The following CCDC191 variants were observed in gnomAD, a reference collection of about 807,000 sequenced individuals.
CCDC191 encodes the protein coiled-coil domain containing 191, also known as coiled-coil domain-containing protein 191.
Under a neutral mutation model 114.0 loss-of-function variants are expected in CCDC191, and 99 were observed. The observed-to-expected ratio is 0.87, with a 90% CI of 0.74 to 1.03. CCDC191 has a LOEUF of 1.03. CCDC191 is among the 50% of genes least tolerant of loss of function. The pLI is 0.00. For synonymous variants in CCDC191, 351 were observed against 376.0 expected, an observed-to-expected ratio of 0.93 and a Z score of 0.77; for missense variants, 973 against 1,087.0, an observed-to-expected ratio of 0.90 and a Z score of 1.47.
chr3:113,991,495 A>G (rs1196928714), intron 13 of CCDC191, among the ~76,000 whole-genome samples: 1 of 152,188 alleles, frequency 6.6e-6, no homozygotes, highest in Non-Finnish European at 1.5e-5. Flanking sequence ...ACTCTCAGCA[A>G]TCTAGGAATA....
Position 113,980,654 on chromosome 3 carries a change from A to G in CCDC191, c.2303T>C (p.Ile768Thr). The change falls in exon 14 of 17, where the codon ATC (isoleucine) becomes ACC (threonine). Residue 768 changes from isoleucine to threonine, a missense_variant. Physicochemically the swap from Ile to Thr is moderately conservative, Grantham distance 89 (BLOSUM62 -1). Coordinates refer to ENST00000295878, the MANE Select transcript of CCDC191 (RefSeq NM_020817.2). ...GATAACAGTGGGACAGTGTACCTGG[A>G]TGTTTTGTTTGCTTTGCATTCTCAA... The part of the protein sequence containing the change: ...KRLRMQSKQN[I>T]QVAEEHYSLF... 6.3e-7 allele frequency: 1 copy of G among 1,588,568 alleles called. No homozygotes were observed. The highest frequency in any genetic ancestry group is 8.5e-7 in the Non-Finnish European group (1 of 1,173,100).
intron 13 of CCDC191, among the ~76,000 whole-genome samples, chr3:113,986,129 T>G (rs1026349587): frequency 6.6e-6 from 1 of 151,890 alleles, no homozygotes; most frequent in African/African-American, 2.4e-5. Flanking sequence ...ACATGGAAAC[T>G]ATAAAAAAAG....
At chr3:113,989,750 C>T (rs1015216519) in intron 13 of CCDC191, among the ~76,000 whole-genome samples, 1 of 152,110 alleles carries the variant, frequency 6.6e-6, no homozygotes, top group Non-Finnish European at 1.5e-5. Flanking sequence ...CTTTGGGAGG[C>T]CAAGGTGGGA....
At chr3:113,966,195 A>G (rs1273877342) in intron 16 of CCDC191, among the ~76,000 whole-genome samples, 5 of 152,216 alleles carry the variant, frequency 3.3e-5, no homozygotes, top group Non-Finnish European at 7.3e-5. Context: ...AACAGCAGCA[A>G]TAACAACAAA....
At chr3:114,006,047 G>A (rs1451859433) in intron 9 of CCDC191, 85 bp from the exon 10 acceptor site, 4 of 1,228,794 alleles carry the variant, frequency 3.3e-6, no homozygotes, top group Non-Finnish European at 3.6e-6. Context: ...GTATTGTTTT[G>A]TTTAATGGCA....
At chr3:114,038,077 T>C (rs1366093326) in intron 4 of CCDC191, among the ~76,000 whole-genome samples, 1 of 152,226 alleles carries the variant, frequency 6.6e-6, no homozygotes, top group Non-Finnish European at 1.5e-5. Context: ...CCACCAGCAG[T>C]GTAGAAGTAT....
chr3:114,002,697 C>T (rs2107659917), intron 11 of CCDC191, 159 bp from the exon 12 acceptor site: 1 of 896,810 alleles, frequency 1.1e-6, no homozygotes, highest in Non-Finnish European at 1.3e-6. Flanking sequence ...TAGAGATAAA[C>T]AGAACTTATA....
intron 2 of CCDC191, among the ~76,000 whole-genome samples, chr3:114,050,607 G>C (rs1281187217): frequency 6.6e-6 from 1 of 152,174 alleles, no homozygotes; most frequent in Non-Finnish European, 1.5e-5. Context: ...TCCAGGCTGA[G>C]GGATCAACGT....
intron 14 of CCDC191, among the ~76,000 whole-genome samples, chr3:113,979,751 A>G (rs558707844): frequency 6.6e-6 from 1 of 152,160 alleles, no homozygotes; most frequent in Admixed American, 6.5e-5. Context: ...GGCCAAAATG[A>G]CCACCACGGA....
At position 114,034,935 on chromosome 3, in the gene CCDC191, C is replaced by G; in HGVS notation, c.808G>C (p.Ala270Pro). ...ATCACACTGGCTTACATTTTCCATG[C>G]TGCTTTCACAGTGCGTCTCCTCTCA... is the stretch of plus-strand genomic sequence containing the variant. Reference protein sequence around the residue: ...IIERRRTVKAAWKIEKKRQEE... With the variant: ...IIERRRTVKAPWKIEKKRQEE... Residue 270 changes from alanine (A) to proline (P), a missense_variant, in exon 6 of 17, where the codon GCA becomes CCA. Ala to Pro is a conservative substitution (Grantham distance 27). Transcript: ENST00000295878. The G allele has an allele frequency of 6.2e-7, 1 of 1,613,762 alleles. No homozygotes were observed. The highest frequency in any genetic ancestry group is 8.5e-7 in the Non-Finnish European group (1 of 1,179,894).
chr3:114,047,825 A>G (rs1170464338), intron 2 of CCDC191, among the ~76,000 whole-genome samples: 1 of 151,876 alleles, frequency 6.6e-6, no homozygotes, highest in Non-Finnish European at 1.5e-5. Flanking sequence ...AAATACAAAA[A>G]TTAGCCGGGT....
intron 7 of CCDC191, among the ~76,000 whole-genome samples, chr3:114,020,646 CA>C (rs1446899056): frequency 6.6e-6 from 1 of 152,012 alleles, no homozygotes; most frequent in Non-Finnish European, 1.5e-5. Flanking sequence ...ACCTGTTCCA[CA>C]AAATACAGCA....
intron 16 of CCDC191, among the ~76,000 whole-genome samples, chr3:113,976,023 C>T (rs1297849445): frequency 6.6e-6 from 1 of 152,030 alleles, no homozygotes; most frequent in Non-Finnish European, 1.5e-5. Context: ...TTTGGGAGGC[C>T]GAGGTGGGCA....
At chr3:114,033,645 C>T (rs1159532947) in intron 6 of CCDC191, among the ~76,000 whole-genome samples, 1 of 152,188 alleles carries the variant, frequency 6.6e-6, no homozygotes, top group Non-Finnish European at 1.5e-5. Context: ...GTGAGCAGAG[C>T]ATCCTACTAC....
chr3:114,006,615 T>TATATATATATATATATAA (rs1371654689), intron 9 of CCDC191, among the ~76,000 whole-genome samples: 67 of 84,742 alleles, frequency 7.9e-4, no homozygotes, highest in Admixed American at 2.6e-3. Flanking sequence ...TATATATATA[T>TATATATATATATATATAA]ATAAATATAT....
intron 9 of CCDC191, among the ~76,000 whole-genome samples, chr3:114,006,617 T>TATAAAA (rs1482068610): frequency 9.3e-5 from 11 of 118,464 alleles, no homozygotes; most frequent in African/African-American, 1.4e-4. Context: ...TATATATATA[T>TATAAAA]AAATATATAT....
At chr3:114,039,390 G>A (rs2076531127) in intron 4 of CCDC191, 1 of 152,198 alleles carries the variant, frequency 6.6e-6, no homozygotes, top group East Asian at 1.9e-4. Flanking sequence ...CACACCTGTA[G>A]TTTCAGCTAC....
intron 9 of CCDC191, among the ~76,000 whole-genome samples, chr3:114,010,487 A>G (rs921763651): frequency 2.0e-5 from 3 of 152,238 alleles, no homozygotes; most frequent in Non-Finnish European, 4.4e-5. Flanking sequence ...CAAGAGTTAT[A>G]GACAGTGCTT....
At chr3:114,000,458 T>C (rs889478053) in intron 13 of CCDC191, among the ~76,000 whole-genome samples, 2 of 152,146 alleles carry the variant, frequency 1.3e-5, no homozygotes, top group Admixed American at 1.3e-4. Flanking sequence ...TCATGAGACT[T>C]CTCAGCTTCC....
Sources: allele counts gnomAD v4.1 joint callset (sites outside exome capture counted in the v4.1 genomes callset), GRCh38; gene constraint gnomAD v4.1.1; transcripts MANE v1.5; gene names NCBI Gene and HGNC (gene_info 2026-07-23, HGNC 2026-07-21).